NFIL3: variants seen among roughly 807,000 people sequenced by gnomAD.
NFIL3 encodes the protein nuclear factor, interleukin 3 regulated.
Under a neutral mutation model 10.0 loss-of-function variants are expected in NFIL3, and 5 were observed. That is an observed-to-expected ratio of 0.50 (90% CI 0.26 to 1.06). NFIL3 has a LOEUF of 1.06. Ranked by LOEUF, NFIL3 falls within the 50% of genes least tolerant of loss-of-function variation. NFIL3 has a pLI of 0.13. For synonymous variants in NFIL3, 202 were observed against 206.5 expected (o/e 0.98, Z 0.19); for missense variants, 436 against 547.6 (o/e 0.80, Z 2.03).
chr9:91,421,080 A>G (rs944791348), intron 1 of NFIL3, among the ~76,000 whole-genome samples: 2 of 152,130 alleles, frequency 1.3e-5, no homozygotes, highest in Non-Finnish European at 2.9e-5. Flanking sequence ...CCGAAATACA[A>G]TGAAGACTCT....
the NFIL3 span, among the ~76,000 whole-genome samples, chr9:91,452,167 C>T: frequency 6.6e-6 from 1 of 152,278 alleles, no homozygotes; most frequent in Admixed American, 6.5e-5. Context: ...AACATCAACA[C>T]AGATCTTAAG....
At chr9:91,483,122 G>A in the NFIL3 span, among the ~76,000 whole-genome samples, 1 of 152,098 alleles carries the variant, frequency 6.6e-6, no homozygotes, top group African/African-American at 2.4e-5. Flanking sequence ...CCTGGTGGTG[G>A]GTTCCAAAGG....
chr9:91,414,642 T>C (rs1221291062), intron 1 of NFIL3, among the ~76,000 whole-genome samples: 1 of 152,242 alleles, frequency 6.6e-6, no homozygotes, highest in East Asian at 1.9e-4. Context: ...CTCATCTGTA[T>C]GTATTACATT....
At chr9:91,469,740 AG>A in the NFIL3 span, among the ~76,000 whole-genome samples, 2 of 152,304 alleles carry the variant, frequency 1.3e-5, no homozygotes, top group South Asian at 2.1e-4. Flanking sequence ...TTTAGCATGA[AG>A]GGCTGTTGAA....
the NFIL3 span, among the ~76,000 whole-genome samples, chr9:91,435,526 T>C: frequency 1.7e-4 from 26 of 152,186 alleles, no homozygotes; most frequent in Non-Finnish European, 3.1e-4. Flanking sequence ...ATGGTCCTCA[T>C]GAAGCCTGAC....
chr9:91,435,486 G>A, the NFIL3 span, among the ~76,000 whole-genome samples: 1 of 152,152 alleles, frequency 6.6e-6, no homozygotes, highest in Non-Finnish European at 1.5e-5. Flanking sequence ...CTCAAAGGAG[G>A]TTGAAATGGA....
the NFIL3 span, among the ~76,000 whole-genome samples, chr9:91,455,440 G>GT: frequency 6.6e-6 from 1 of 152,082 alleles, no homozygotes; most frequent in Non-Finnish European, 1.5e-5. Flanking sequence ...GCTTAATGAT[G>GT]TTTATTTTAT....
chr9:91,447,556 C>T, the NFIL3 span, among the ~76,000 whole-genome samples: 12 of 152,118 alleles, frequency 7.9e-5, no homozygotes, highest in Non-Finnish European at 7.4e-5. Flanking sequence ...TCTCATTGTG[C>T]CTCTTTAATT....
the NFIL3 span, among the ~76,000 whole-genome samples, chr9:91,474,348 A>C: frequency 6.6e-6 from 1 of 152,106 alleles, no homozygotes; most frequent in Non-Finnish European, 1.5e-5. Flanking sequence ...TTGATTTTCT[A>C]ATATTTTATT....
chr9:91,415,942 G>A (rs1408088968), intron 1 of NFIL3, among the ~76,000 whole-genome samples: 3 of 152,116 alleles, frequency 2.0e-5, no homozygotes, highest in Non-Finnish European at 2.9e-5. Context: ...ACTTCTCTTA[G>A]ATGCTGTCTT....
At chr9:91,454,664 T>C in the NFIL3 span, among the ~76,000 whole-genome samples, 1 of 152,202 alleles carries the variant, frequency 6.6e-6, no homozygotes, top group Admixed American at 6.5e-5. Context: ...AAACCCCGTC[T>C]CCACTAAAAA....
At position 91,409,476 on chromosome 9, in the gene NFIL3, T is replaced by A; in HGVS notation, c.1259A>T (p.Asp420Val). 1 of 1,614,184 alleles carries A rather than the reference T, an allele frequency of 6.2e-7. No homozygotes were observed. Among genetic ancestry groups the A allele is most frequent in the Non-Finnish European group, 8.5e-7 (1 of 1,180,024 alleles). Residue 420 changes from aspartate (D) to valine (V), a missense_variant, in exon 2 of 2, where the codon GAC becomes GTC. By Grantham distance (152) the Asp-to-Val change is radical. This residue lies in a region of NFIL3 where 338 missense variants were observed against 399.9 expected (regional missense o/e 0.85). Coordinates refer to ENST00000297689, the MANE Select transcript of NFIL3 (RefSeq NM_005384.3). ...TGGGTCAGAAACTTTGTAGCCACTG[T>A]CTTTCATTTCAACAACTCCAGTTTT... ...SFKTGVVEMK[D>V]SGYKVSDPEN...
chr9:91,480,853 C>T, the NFIL3 span, among the ~76,000 whole-genome samples: 1 of 152,188 alleles, frequency 6.6e-6, no homozygotes, highest in South Asian at 2.1e-4. Flanking sequence ...CATATCCATA[C>T]ATAATGCACC....
the NFIL3 span, among the ~76,000 whole-genome samples, chr9:91,480,363 A>G: frequency 2.8e-4 from 42 of 152,248 alleles, no homozygotes; most frequent in African/African-American, 9.4e-4. Context: ...GAACGAATCA[A>G]AGAGAGTAAT....
At chr9:91,438,138 C>T in the NFIL3 span, among the ~76,000 whole-genome samples, 232 of 152,236 alleles carry the variant, frequency 1.5e-3, no homozygotes, top group African/African-American at 5.4e-3. Context: ...ACTATGCAAG[C>T]CTTCCCTTTT....
the NFIL3 span, among the ~76,000 whole-genome samples, chr9:91,451,789 G>A: frequency 1.3e-5 from 2 of 152,136 alleles, no homozygotes; most frequent in South Asian, 2.1e-4. Context: ...GGGATTCAGG[G>A]AAAACAGGAT....
the NFIL3 span, among the ~76,000 whole-genome samples, chr9:91,438,812 T>C: frequency 1.3e-5 from 2 of 152,200 alleles, no homozygotes; most frequent in South Asian, 4.1e-4. Flanking sequence ...AAAACTTAAT[T>C]GACCATACAT....
At chr9:91,465,549 C>T in the NFIL3 span, among the ~76,000 whole-genome samples, 3 of 151,992 alleles carry the variant, frequency 2.0e-5, no homozygotes, top group South Asian at 2.1e-4. Flanking sequence ...ACATATTAAT[C>T]ATAGTCTTTT....
the NFIL3 span, among the ~76,000 whole-genome samples, chr9:91,439,591 C>T: frequency 6.6e-6 from 1 of 152,032 alleles, no homozygotes; most frequent in African/African-American, 2.4e-5. Context: ...TTGTACTGGA[C>T]CTTGGTGGAA....
Sources: gnomAD v4.1 joint callset for allele counts (sites outside exome capture counted in the v4.1 genomes callset) on GRCh38, gnomAD v4.1.1 for gene constraint, gnomAD v4.1.1 regional missense constraint, MANE v1.5 for transcripts, NCBI Gene and HGNC (gene_info 2026-07-23, HGNC 2026-07-21) for gene names.